The following PDPR variants were observed in gnomAD, a reference collection of about 807,000 sequenced individuals.
The protein encoded by PDPR is pyruvate dehydrogenase phosphatase regulatory subunit.
Under a neutral mutation model 102.2 loss-of-function variants are expected in PDPR, and 50 were observed. The ratio of observed to expected loss-of-function variants is 0.49; its 90% CI spans 0.39 to 0.62. The LOEUF is 0.62. Ranked by LOEUF, PDPR falls within the 20% of genes least tolerant of loss-of-function variation. The pLI is 0.00. For synonymous variants in PDPR, 259 were observed against 406.0 expected, an observed-to-expected ratio of 0.64 and a Z score of 4.35; for missense variants, 625 against 1,098.2, an observed-to-expected ratio of 0.57 and a Z score of 6.09.
At position 70,157,578 on chromosome 16, in the gene PDPR, T is replaced by G; in HGVS notation, c.*699T>G. ...CAGCCTCCCTATAATTTTCTTCATCTCTTGCTAATCTCTATAATAAGGTTG... is the reference window on the plus strand; with the variant it reads ...CAGCCTCCCTATAATTTTCTTCATCGCTTGCTAATCTCTATAATAAGGTTG... On this transcript the variant is annotated 3_prime_UTR_variant, in exon 19 of 19. Transcript: ENST00000288050. 5.1e-6 allele frequency: 1 copy of G among 194,744 alleles called. No homozygotes were observed. The highest frequency in any genetic ancestry group is 1.1e-5 in the Non-Finnish European group (1 of 94,478). The allele number at this position is 194,744 out of a possible 1,614,324, so 12.1% of individuals were successfully genotyped here.
intron 16 of PDPR, among the ~76,000 whole-genome samples, chr16:70,148,060 G>A (rs1454815814): frequency 1.3e-5 from 2 of 152,266 alleles, no homozygotes; most frequent in African/African-American, 4.8e-5. Context: ...TGGGCATCGG[G>A]CATCATCTTT....
At chr16:70,141,204 C>T (rs1407812603) in intron 11 of PDPR, among the ~76,000 whole-genome samples, 6 of 152,236 alleles carry the variant, frequency 3.9e-5, no homozygotes, top group Admixed American at 3.9e-4. Flanking sequence ...CAGGCGCCTG[C>T]CACCATGCCT....
chr16:70,122,081 G>A (rs1158106518), intron 3 of PDPR, among the ~76,000 whole-genome samples: 1 of 152,242 alleles, frequency 6.6e-6, no homozygotes, highest in Non-Finnish European at 1.5e-5. Flanking sequence ...CCGCCTCCTG[G>A]GTTCAAGCAA....
intron 2 of PDPR, among the ~76,000 whole-genome samples, chr16:70,117,503 G>GC (rs1006040256): frequency 1.3e-4 from 19 of 151,856 alleles, no homozygotes; most frequent in African/African-American, 4.6e-4. Flanking sequence ...GGGCGACAGA[G>GC]CGAGACTCCA....
intron 14 of PDPR, among the ~76,000 whole-genome samples, 188 bp downstream of exon 14, chr16:70,143,846 A>AC (rs1219771297): frequency 6.6e-6 from 1 of 152,026 alleles, no homozygotes; most frequent in Non-Finnish European, 1.5e-5. Flanking sequence ...AAGAAAAAAA[A>AC]GCCCACCAGA....
intron 2 of PDPR, among the ~76,000 whole-genome samples, chr16:70,118,463 A>G (rs922984092): frequency 2.0e-5 from 3 of 152,270 alleles, no homozygotes; most frequent in Non-Finnish European, 4.4e-5. Flanking sequence ...GGAGCAGGAC[A>G]GTTTTCAAGT....
chr16:70,115,970 CCTT>C (rs879269041), intron 2 of PDPR, among the ~76,000 whole-genome samples: 34 of 151,984 alleles, frequency 2.2e-4, no homozygotes, highest in Admixed American at 3.9e-4. Flanking sequence ...GACTCTGGTG[CCTT>C]CTTTTCCTTC....
At chr16:70,133,421 CT>C (rs1162339028) in intron 9 of PDPR, among the ~76,000 whole-genome samples, 194 of 103,502 alleles carry the variant, frequency 1.9e-3, no homozygotes, top group Non-Finnish European at 2.0e-3. Context: ...TGCGTCTGGC[CT>C]TTTTTTTTTT....
At position 70,153,377 on chromosome 16, in the gene PDPR, G is replaced by A. The variant is rs372790179; in HGVS notation, c.2053-14G>A. The A allele has an allele frequency of 7.9e-5, 127 of 1,606,646 alleles. No homozygotes were observed. The highest frequency in any genetic ancestry group is 9.8e-5 in the Non-Finnish European group (115 of 1,176,602). ...AAGGTCTGCTGCTTATGAACTTTCTGTCTCTTCCTATAGTACGCCCTGCAT... is the reference window on the plus strand; with the variant it reads ...AAGGTCTGCTGCTTATGAACTTTCTATCTCTTCCTATAGTACGCCCTGCAT... On this transcript the variant is annotated splice_polypyrimidine_tract_variant and intron_variant, in intron 17 of 18. Transcript: ENST00000288050.
intron 18 of PDPR, among the ~76,000 whole-genome samples, chr16:70,155,414 T>C (rs984170959): frequency 3.3e-4 from 50 of 152,328 alleles, no homozygotes; most frequent in African/African-American, 1.2e-3. Context: ...CCCGAGTAGC[T>C]GTAAGCCATC....
chr16:70,138,046 T>C (rs1305278298), intron 10 of PDPR, among the ~76,000 whole-genome samples: 1 of 129,100 alleles, frequency 7.7e-6, no homozygotes, highest in Non-Finnish European at 1.8e-5. Flanking sequence ...CTCTTTTTTT[T>C]TTTTTTTTTT....
rs532942197 is a variant in PDPR at position 70,160,036 on chromosome 16, G to C, written c.*3157G>C. ...TGTCATAGCATTTTGTGCTCACCAC[G>C]AAGGATGGTCTCTGCCTTCTCTTGT... On this transcript the variant is annotated 3_prime_UTR_variant, in exon 19 of 19. Coordinates refer to ENST00000288050, the MANE Select transcript of PDPR (RefSeq NM_017990.5). 3.3e-5 allele frequency: 5 copies of C among 152,918 alleles called. No homozygotes were observed. The highest frequency in any genetic ancestry group is 3.3e-4 in the Admixed American group (5 of 15,292). 9.5% of individuals were successfully genotyped at this position (152,918 alleles called of 1,614,324 possible).
At chr16:70,127,018 T>C in intron 3 of PDPR, among the ~76,000 whole-genome samples, 1 of 152,378 alleles carries the variant, frequency 6.6e-6, no homozygotes, top group Middle Eastern at 3.4e-3. Flanking sequence ...CTAATTTTGT[T>C]GTTGTTGTTG....
chr16:70,133,557 A>G (rs1964778094), intron 9 of PDPR, among the ~76,000 whole-genome samples: 1 of 151,948 alleles, frequency 6.6e-6, no homozygotes, highest in Non-Finnish European at 1.5e-5. Flanking sequence ...AGCTGGGATT[A>G]CAGGCATGCA....
At chr16:70,123,282 G>A (rs952326155) in intron 3 of PDPR, among the ~76,000 whole-genome samples, 1 of 152,272 alleles carries the variant, frequency 6.6e-6, no homozygotes, top group Non-Finnish European at 1.5e-5. Flanking sequence ...TGTCACTCAG[G>A]CTGGAGTGCA....
chr16:70,128,289 G>A (rs1242941780), intron 4 of PDPR, among the ~76,000 whole-genome samples: 2 of 152,060 alleles, frequency 1.3e-5, no homozygotes, highest in African/African-American at 2.4e-5. Context: ...GTGCAGTGGT[G>A]CAATTTTGAC....
chr16:70,148,205 C>A (rs1386096965), intron 16 of PDPR, among the ~76,000 whole-genome samples: 1 of 152,234 alleles, frequency 6.6e-6, no homozygotes, highest in Non-Finnish European at 1.5e-5. Flanking sequence ...CAAGGACTTT[C>A]CTCCACTCTC....
chr16:70,136,996 G>A (rs1249796497), intron 10 of PDPR, among the ~76,000 whole-genome samples: 2 of 152,188 alleles, frequency 1.3e-5, no homozygotes, highest in Non-Finnish European at 2.9e-5. Context: ...ACCCACCTTG[G>A]CCTCCCAAAG....
chr16:70,134,067 C>T (rs1221320987), intron 9 of PDPR, among the ~76,000 whole-genome samples: 2 of 152,314 alleles, frequency 1.3e-5, no homozygotes, highest in Non-Finnish European at 2.9e-5. Context: ...AATTATTGCT[C>T]AGATTTTAGG....
Sources: gnomAD v4.1 joint callset for allele counts (sites outside exome capture counted in the v4.1 genomes callset) on GRCh38, gnomAD v4.1.1 for gene constraint, MANE v1.5 for transcripts, NCBI Gene and HGNC (gene_info 2026-07-23, HGNC 2026-07-21) for gene names.